Variants in TENM3 observed in about 807,000 individuals in gnomAD.
TENM3 encodes teneurin transmembrane protein 3.
In TENM3, 63 loss-of-function variants were observed where a neutral mutation model predicts 255.1. The observed-to-expected ratio is 0.25, with a 90% CI of 0.20 to 0.30. The LOEUF (loss-of-function observed/expected upper bound fraction) is 0.30, where lower values mean the gene tolerates loss of function less well. Among genes scored for constraint, TENM3 ranks in the 10% least tolerant of loss-of-function variants. The probability of loss-of-function intolerance (pLI) is 1.00; values close to 1 mark genes in which losing one functional copy is unlikely to be tolerated. For synonymous variants in TENM3, 1,306 were observed against 1,322.3 expected, an observed-to-expected ratio of 0.99 and a Z score of 0.27; for missense variants, 2,929 against 3,461.1, an observed-to-expected ratio of 0.85 and a Z score of 3.86.
chr4:181,767,231 G>T, the TENM3 span, among the ~76,000 whole-genome samples: 1 of 132,386 alleles, frequency 7.6e-6, no homozygotes, highest in South Asian at 2.4e-4. Context: ...CAGCCTGGGC[G>T]AGAGTGCGAG....
At position 182,215,610 on chromosome 4, in the gene TENM3, C is replaced by T. The variant is rs1755406197; in HGVS notation, c.-76+70856C>T. 3.3e-5 allele frequency among the ~76,000 whole-genome samples: 5 copies of T among 152,074 alleles called. No individual in the cohort carries two copies. The South Asian group carries it at 8.3e-4, about 25-fold the overall frequency. ...CAAATTGGAATCAATTATCTGTAGA[C>T]GGTGGGATAGCAGTTGGGGTCACAG... On this transcript the variant is annotated intron_variant, in intron 1 of 2. Coordinates refer to the TENM3 transcript ENST00000512480.
At chr4:182,763,601 T>C (rs1353034081) in intron 22 of TENM3, among the ~76,000 whole-genome samples, 2 of 151,828 alleles carry the variant, frequency 1.3e-5, no homozygotes, top group Non-Finnish European at 2.9e-5. Context: ...AAGGCAAGCA[T>C]AAGCCTTGCC....
At chr4:182,368,612 T>G (rs890498944) in intron 3 of TENM3, among the ~76,000 whole-genome samples, 1 of 152,208 alleles carries the variant, frequency 6.6e-6, no homozygotes, top group African/African-American at 2.4e-5. Flanking sequence ...ATAGGCTATA[T>G]AGTGTAGCCT....
intron 1 of TENM3, among the ~76,000 whole-genome samples, chr4:182,210,897 G>A (rs139794993): frequency 6.6e-6 from 1 of 152,236 alleles, no homozygotes; most frequent in African/African-American, 2.4e-5. Flanking sequence ...CTACAAGGAA[G>A]GTCACTTGTT....
chr4:182,470,664 C>G (rs1733030304), intron 3 of TENM3, among the ~76,000 whole-genome samples: 1 of 152,130 alleles, frequency 6.6e-6, no homozygotes, highest in South Asian at 2.1e-4. Context: ...CTGTAGACAC[C>G]AGGCAAGGAT....
the TENM3 span, among the ~76,000 whole-genome samples, chr4:181,548,013 T>C: frequency 6.6e-6 from 1 of 151,714 alleles, no homozygotes. Context: ...CCTGTGTCTA[T>C]GTGTTCTCAT....
At chr4:182,388,942 T>C (rs918879540) in intron 3 of TENM3, among the ~76,000 whole-genome samples, 3 of 152,204 alleles carry the variant, frequency 2.0e-5, no homozygotes, top group African/African-American at 7.2e-5. Flanking sequence ...CTTCTAGACC[T>C]TCCTTTGCAC....
chr4:181,910,023 G>T, the TENM3 span, among the ~76,000 whole-genome samples: 3,655 of 152,144 alleles, frequency 0.024, 88 homozygotes, highest in Non-Finnish European at 0.038. Flanking sequence ...TACTATTCAT[G>T]TTACTCTTGC....
At chr4:182,412,159 G>A (rs1275114523) in intron 3 of TENM3, among the ~76,000 whole-genome samples, 1 of 152,150 alleles carries the variant, frequency 6.6e-6, no homozygotes, top group Non-Finnish European at 1.5e-5. Context: ...CTGGGTATCT[G>A]GGGTTGGCTG....
chr4:182,718,958 C>A (rs1385692338), intron 13 of TENM3, among the ~76,000 whole-genome samples: 3 of 152,124 alleles, frequency 2.0e-5, no homozygotes, highest in African/African-American at 7.2e-5. Context: ...AAGATGATTT[C>A]TCCACAATGC....
chr4:181,553,494 T>TG, the TENM3 span, among the ~76,000 whole-genome samples: 3 of 151,906 alleles, frequency 2.0e-5, no homozygotes, highest in African/African-American at 7.3e-5. Flanking sequence ...CAGGCTGGAG[T>TG]GCAGGGGCGC....
intron 4 of TENM3, among the ~76,000 whole-genome samples, chr4:182,613,933 G>C (rs1208418755): frequency 6.6e-6 from 1 of 152,094 alleles, no homozygotes; most frequent in African/African-American, 2.4e-5. Context: ...TTTCTTGCAG[G>C]AATCACCTCC....
At chr4:181,888,578 A>G in the TENM3 span, among the ~76,000 whole-genome samples, 1 of 55,566 alleles carries the variant, frequency 1.8e-5, no homozygotes, top group African/African-American at 7.2e-5. Flanking sequence ...GTATATATAT[A>G]CATATATATA....
chr4:181,936,198 C>A, the TENM3 span, among the ~76,000 whole-genome samples: 36 of 152,064 alleles, frequency 2.4e-4, no homozygotes, highest in African/African-American at 4.8e-5. Context: ...TCGAGACCAG[C>A]CTGACCAATG....
the TENM3 span, among the ~76,000 whole-genome samples, chr4:182,102,773 A>G: frequency 6.6e-6 from 1 of 152,098 alleles, no homozygotes; most frequent in East Asian, 1.9e-4. Context: ...TAGCCTCTGA[A>G]AGCTTCAGTC....
At chr4:182,230,854 A>ATATC (rs1756524790) in intron 1 of TENM3, among the ~76,000 whole-genome samples, 10 of 123,920 alleles carry the variant, frequency 8.1e-5, no homozygotes, top group African/African-American at 2.4e-4. Flanking sequence ...ATATATATAT[A>ATATC]TATCCCCCTT....
At chr4:182,343,222 C>T (rs955734949) in intron 2 of TENM3, among the ~76,000 whole-genome samples, 2 of 152,158 alleles carry the variant, frequency 1.3e-5, no homozygotes, top group African/African-American at 4.8e-5. Context: ...ACAGTGAATT[C>T]CATCCTCAGG....
chr4:181,950,958 C>T, the TENM3 span, among the ~76,000 whole-genome samples: 1 of 152,028 alleles, frequency 6.6e-6, no homozygotes, highest in Non-Finnish European at 1.5e-5. Flanking sequence ...AGGAGAATTG[C>T]TTGAGCCCAG....
chr4:182,332,375 A>T (rs1763814913), intron 2 of TENM3, among the ~76,000 whole-genome samples: 2 of 152,268 alleles, frequency 1.3e-5, no homozygotes, highest in South Asian at 4.1e-4. Flanking sequence ...AGACTAACAA[A>T]ATAGGAATAT....
Sources: allele counts gnomAD v4.1 joint callset (sites outside exome capture counted in the v4.1 genomes callset), GRCh38; gene constraint gnomAD v4.1.1; transcripts MANE v1.5; gene names NCBI Gene and HGNC (gene_info 2026-07-23, HGNC 2026-07-21).